The following XKR4 variants were observed in gnomAD, a reference collection of about 807,000 sequenced individuals.
XKR4 encodes XK related 4, also known as XK-related protein 4.
Under a neutral mutation model 53.9 loss-of-function variants are expected in XKR4, and 12 were observed. The ratio of observed to expected loss-of-function variants is 0.22; its 90% CI spans 0.14 to 0.36. The LOEUF is 0.36. Among genes scored for constraint, XKR4 ranks in the 10% least tolerant of loss-of-function variants. The pLI is 1.00. For missense variants in XKR4, 799 were observed against 859.5 expected (o/e 0.93, Z 0.88); for synonymous variants, 354 against 362.4 (o/e 0.98, Z 0.26).
intron 1 of XKR4, among the ~76,000 whole-genome samples, chr8:55,302,490 A>G (rs1484977108): frequency 6.6e-6 from 1 of 151,872 alleles, no homozygotes; most frequent in South Asian, 2.1e-4. Context: ...CTCTTTTTTG[A>G]TTCCATATGA....
chr8:55,418,857 C>T (rs768215011), intron 2 of XKR4, among the ~76,000 whole-genome samples: 1 of 152,026 alleles, frequency 6.6e-6, no homozygotes, highest in Non-Finnish European at 1.5e-5. Flanking sequence ...GCCCGTACTG[C>T]TCTCTGATGC....
At chr8:55,373,745 C>T (rs75673507) in intron 2 of XKR4, among the ~76,000 whole-genome samples, 6,782 of 152,152 alleles carry the variant, frequency 0.045, 224 homozygotes, top group Middle Eastern at 0.095. Flanking sequence ...TTGCAAAACA[C>T]TTTGTCACAT....
At chr8:55,504,355 G>A (rs1476598607) in intron 2 of XKR4, among the ~76,000 whole-genome samples, 1 of 151,524 alleles carries the variant, frequency 6.6e-6, no homozygotes, top group Non-Finnish European at 1.5e-5. Context: ...TAGGATTACA[G>A]GCACACCCCA....
chr8:55,336,041 CAAA>C (rs34885296), intron 1 of XKR4, among the ~76,000 whole-genome samples: 6 of 113,696 alleles, frequency 5.3e-5, no homozygotes, highest in South Asian at 2.9e-4. Flanking sequence ...AACTCTATAC[CAAA>C]AAAAAAAAAA....
chr8:55,302,605 A>G (rs951761903), intron 1 of XKR4, among the ~76,000 whole-genome samples: 2 of 152,078 alleles, frequency 1.3e-5, no homozygotes, highest in East Asian at 1.9e-4. Context: ...CATTTTCATG[A>G]TATTGATTCT....
At chr8:55,158,741 T>A (rs570528715) in intron 1 of XKR4, among the ~76,000 whole-genome samples, 1 of 152,340 alleles carries the variant, frequency 6.6e-6, no homozygotes, top group East Asian at 1.9e-4. Flanking sequence ...TCCATTTACC[T>A]TTCCACATTG....
At chr8:55,310,718 C>T (rs1819376558) in intron 1 of XKR4, among the ~76,000 whole-genome samples, 1 of 152,196 alleles carries the variant, frequency 6.6e-6, no homozygotes, top group Admixed American at 6.5e-5. Flanking sequence ...CTTGAATTAA[C>T]TCAACAGACA....
At chr8:55,369,463 G>A (rs112452040) in intron 2 of XKR4, among the ~76,000 whole-genome samples, 2,862 of 135,402 alleles carry the variant, frequency 0.021, 175 homozygotes, top group African/African-American at 0.078. Flanking sequence ...GGGAGGGAAA[G>A]GGAGAGGAGG....
intron 1 of XKR4, among the ~76,000 whole-genome samples, chr8:55,117,881 T>C (rs181036105): frequency 6.6e-6 from 1 of 152,214 alleles, no homozygotes; most frequent in Non-Finnish European, 1.5e-5. Flanking sequence ...GATTTTCTGC[T>C]GACCACCAGG....
intron 1 of XKR4, among the ~76,000 whole-genome samples, chr8:55,204,166 T>A (rs1227340203): frequency 1.0e-5 from 1 of 95,294 alleles, no homozygotes; most frequent in Non-Finnish European, 2.8e-5. Flanking sequence ...AGTGCCAACA[T>A]ACCCTGCTAA....
intron 2 of XKR4, among the ~76,000 whole-genome samples, chr8:55,396,399 GTTTTTTT>G (rs71256534): frequency 1.1e-5 from 1 of 88,750 alleles, no homozygotes; most frequent in African/African-American, 4.9e-5. Context: ...TTTTTGTTTG[GTTTTTTT>G]TTTTTTTTTT....
chr8:55,193,888 C>A (rs1817474444), intron 1 of XKR4, among the ~76,000 whole-genome samples: 1 of 152,202 alleles, frequency 6.6e-6, no homozygotes, highest in South Asian at 2.1e-4. Context: ...AGCTACCAGG[C>A]CACTCTGCCC....
intron 1 of XKR4, among the ~76,000 whole-genome samples, chr8:55,286,505 CG>C (rs1416663130): frequency 1.3e-5 from 2 of 152,068 alleles, no homozygotes; most frequent in Non-Finnish European, 2.9e-5. Context: ...CTAGGGGATA[CG>C]GGGGCATGCA....
intron 1 of XKR4, among the ~76,000 whole-genome samples, chr8:55,130,048 TG>T (rs1399198816): frequency 6.6e-6 from 1 of 152,156 alleles, no homozygotes; most frequent in Non-Finnish European, 1.5e-5. Context: ...GAAGGAATGA[TG>T]GTTGAAATCA....
chr8:55,112,467 A>G lies in XKR4; in HGVS notation c.806+9173A>G, dbSNP rs147638843. On this transcript the variant is annotated intron_variant, in intron 1 of 2. Coordinates refer to ENST00000327381, the MANE Select transcript of XKR4 (RefSeq NM_052898.2). ...CTGAATCACCAATCTGACAGATTTC[A>G]TCCATGTGAAAGCAGTCTGACTTCT... 4.6e-5 allele frequency among the ~76,000 whole-genome samples: 7 copies of G among 151,488 alleles called. No homozygotes were observed. In the East Asian group the frequency reaches 1.4e-3, roughly 30 times the overall value.
At chr8:55,331,088 C>G (rs1481329463) in intron 1 of XKR4, among the ~76,000 whole-genome samples, 1 of 152,110 alleles carries the variant, frequency 6.6e-6, no homozygotes, top group Non-Finnish European at 1.5e-5. Flanking sequence ...TTCCATCACC[C>G]CAAACTGAAA....
chr8:55,481,391 G>C (rs199862353), intron 2 of XKR4, among the ~76,000 whole-genome samples: 2 of 150,668 alleles, frequency 1.3e-5, no homozygotes, highest in African/African-American at 2.5e-5. Flanking sequence ...ATACAAAAAT[G>C]AATTCAAGAT....
chr8:55,524,436 A>C lies in XKR4; in HGVS notation c.*209A>C. ...CCGAGAGTCTCTGACTCCACCTGAA[A>C]GAATGACGCTGGCTTAATAGGACTC... is the stretch of plus-strand genomic sequence containing the variant. On this transcript the variant is annotated 3_prime_UTR_variant, in exon 3 of 3. Coordinates refer to ENST00000327381, the MANE Select transcript of XKR4 (RefSeq NM_052898.2). 1 of 592,898 alleles carries C rather than the reference A, an allele frequency of 1.7e-6. No individual in the cohort carries two copies. Among genetic ancestry groups the C allele is most frequent in the Non-Finnish European group, 3.0e-6 (1 of 337,654 alleles). The allele number at this position is 592,898 out of a possible 1,614,324, so 36.7% of individuals were successfully genotyped here. A position where few individuals can be genotyped will look rare whatever the true frequency, so the allele number is the denominator to read the frequency against.
At chr8:55,423,391 G>A (rs546266383) in intron 2 of XKR4, among the ~76,000 whole-genome samples, 6 of 152,158 alleles carry the variant, frequency 3.9e-5, no homozygotes, top group Admixed American at 6.6e-5. Context: ...CACCGCACCC[G>A]CCAGTACATA....
Sources: gnomAD v4.1 joint callset for allele counts (sites outside exome capture counted in the v4.1 genomes callset) on GRCh38, gnomAD v4.1.1 for gene constraint, MANE v1.5 for transcripts, NCBI Gene and HGNC (gene_info 2026-07-23, HGNC 2026-07-21) for gene names.